The following KCNT2 variants were observed in gnomAD, a reference collection of about 807,000 sequenced individuals.
KCNT2 encodes potassium channel subfamily T member 2.
A neutral mutation model predicts 153.8 loss-of-function variants in KCNT2; 67 were observed. That is an observed-to-expected ratio of 0.44 (90% CI 0.36 to 0.53). The LOEUF is 0.53. Ranked by LOEUF, KCNT2 falls within the 20% of genes least tolerant of loss-of-function variation. KCNT2 has a pLI of 0.00. For missense variants in KCNT2, 975 were observed against 1,354.8 expected (o/e 0.72, Z 4.40); for synonymous variants, 500 against 458.8 (o/e 1.09, Z -1.15).
chr1:196,381,570 A>G (rs928870754), intron 13 of KCNT2, among the ~76,000 whole-genome samples: 1 of 152,142 alleles, frequency 6.6e-6, no homozygotes, highest in Admixed American at 6.6e-5. Context: ...ACTTGGCTGA[A>G]TTTATTACTT....
At chr1:196,506,331 G>A (rs1000588453) in intron 1 of KCNT2, among the ~76,000 whole-genome samples, 1 of 152,034 alleles carries the variant, frequency 6.6e-6, no homozygotes, top group South Asian at 2.1e-4. Flanking sequence ...ATAGTGTGTT[G>A]ATAATACAAA....
At chr1:196,474,869 G>A (rs760524400) in intron 5 of KCNT2, among the ~76,000 whole-genome samples, 21 of 152,150 alleles carry the variant, frequency 1.4e-4, no homozygotes, top group Non-Finnish European at 2.9e-4. Context: ...GCACAGACCT[G>A]CACTTCTGTA....
intron 8 of KCNT2, among the ~76,000 whole-genome samples, chr1:196,463,410 C>A (rs1009816032): frequency 6.6e-6 from 1 of 151,598 alleles, no homozygotes; most frequent in Non-Finnish European, 1.5e-5. Context: ...AGAAATCAAA[C>A]CTGTTTATCC....
chr1:196,495,657 A>T (rs1200699508), intron 1 of KCNT2, among the ~76,000 whole-genome samples: 1 of 152,024 alleles, frequency 6.6e-6, no homozygotes. Context: ...CTCTTTCTGG[A>T]CCTTCCCCAG....
intron 14 of KCNT2, among the ~76,000 whole-genome samples, chr1:196,362,514 G>A (rs1667718793): frequency 6.6e-6 from 1 of 151,994 alleles, no homozygotes; most frequent in Admixed American, 6.6e-5. Flanking sequence ...ATCCTTAAAA[G>A]TTCTGCTTGG....
rs1004240924 is a variant in KCNT2 at position 196,241,183 on chromosome 1, G to A, written c.3212-5113C>T. 1.4e-4 allele frequency among the ~76,000 whole-genome samples: 21 copies of A among 149,196 alleles called. 1 individual carries two copies. The highest frequency in any genetic ancestry group is 5.0e-4 in the African/African-American group (20 of 40,050). On this transcript the variant is annotated intron_variant, in intron 26 of 27. Transcript: ENST00000294725. ...AAATAGGTGCTATATGAGAAAGAGG[G>A]TTTTGTTTTGTTTTTGTTTTTGTTT...
chr1:196,590,997 T>G (rs1014807836), intron 1 of KCNT2, among the ~76,000 whole-genome samples: 1 of 152,014 alleles, frequency 6.6e-6, no homozygotes. Context: ...TATAGTGGCA[T>G]GCACCTGTAC....
chr1:196,505,023 A>G (rs1333504468), intron 1 of KCNT2, among the ~76,000 whole-genome samples: 3 of 151,756 alleles, frequency 2.0e-5, no homozygotes, highest in Non-Finnish European at 2.9e-5. Flanking sequence ...ATTTTCTCCC[A>G]TTTTGTAGGT....
chr1:196,312,454 C>T (rs1018514990), intron 21 of KCNT2, among the ~76,000 whole-genome samples: 2 of 151,600 alleles, frequency 1.3e-5, no homozygotes, highest in African/African-American at 4.8e-5. Context: ...AGGAACGAAT[C>T]AGGGTAAGTG....
intron 6 of KCNT2, among the ~76,000 whole-genome samples, chr1:196,468,728 AAAC>A (rs1557975479): frequency 1.3e-5 from 2 of 152,094 alleles, no homozygotes; most frequent in East Asian, 3.8e-4. Context: ...TAGTAATTTT[AAAC>A]AACAATGACA....
At chr1:196,528,417 T>C (rs1654529105) in intron 1 of KCNT2, among the ~76,000 whole-genome samples, 2 of 152,158 alleles carry the variant, frequency 1.3e-5, no homozygotes, top group Admixed American at 6.6e-5. Flanking sequence ...AAATAAATTA[T>C]GTGATTCCTT....
chr1:196,421,373 A>G (rs1016921208), intron 12 of KCNT2, among the ~76,000 whole-genome samples: 6 of 152,046 alleles, frequency 3.9e-5, no homozygotes, highest in African/African-American at 1.4e-4. Flanking sequence ...GATAGTACAC[A>G]TACTGAAAAA....
intron 13 of KCNT2, among the ~76,000 whole-genome samples, chr1:196,395,038 A>G (rs964173826): frequency 1.3e-5 from 2 of 151,052 alleles, no homozygotes; most frequent in African/African-American, 4.8e-5. Context: ...TGTCTCAAAT[A>G]CTTTACTACA....
intron 26 of KCNT2, among the ~76,000 whole-genome samples, chr1:196,244,255 C>T (rs1655220950): frequency 6.6e-6 from 1 of 152,034 alleles, no homozygotes; most frequent in African/African-American, 2.4e-5. Context: ...TCAGGTATGA[C>T]CCAGAACATT....
chr1:196,379,700 T>G (rs1669313494), intron 13 of KCNT2, among the ~76,000 whole-genome samples: 1 of 152,126 alleles, frequency 6.6e-6, no homozygotes, highest in South Asian at 2.1e-4. Flanking sequence ...TTCTGTTTAT[T>G]CTGACTTAGA....
intron 1 of KCNT2, among the ~76,000 whole-genome samples, chr1:196,513,316 C>A (rs774698015): frequency 2.0e-5 from 3 of 152,174 alleles, no homozygotes; most frequent in Non-Finnish European, 2.9e-5. Context: ...CTGTTAGCAT[C>A]CAAAGTTGAC....
chr1:196,332,753 A>T (rs1664585113), intron 17 of KCNT2, among the ~76,000 whole-genome samples: 1 of 151,166 alleles, frequency 6.6e-6, no homozygotes, highest in Non-Finnish European at 1.5e-5. Context: ...TAGTAATTAC[A>T]CTCAGTTTAC....
intron 8 of KCNT2, among the ~76,000 whole-genome samples, chr1:196,439,261 A>AT (rs1262796013): frequency 3.3e-5 from 5 of 151,892 alleles, no homozygotes; most frequent in African/African-American, 9.7e-5. Context: ...GTATTCTAGT[A>AT]TTTTTTTCTA....
At chr1:196,297,137 TGTG>T (rs958597315) in intron 22 of KCNT2, among the ~76,000 whole-genome samples, 3 of 150,122 alleles carry the variant, frequency 2.0e-5, no homozygotes, top group Admixed American at 6.7e-5. Context: ...TTTCTGTAGA[TGTG>T]TGTGTGTGTG....
Sources: allele counts gnomAD v4.1 joint callset (sites outside exome capture counted in the v4.1 genomes callset), GRCh38; gene constraint gnomAD v4.1.1; transcripts MANE v1.5; gene names NCBI Gene and HGNC (gene_info 2026-07-23, HGNC 2026-07-21).